GSE1: variants seen among roughly 807,000 people sequenced by gnomAD.
GSE1 encodes genetic suppressor element 1.
A neutral mutation model predicts 112.6 loss-of-function variants in GSE1; 32 were observed. The ratio of observed to expected loss-of-function variants is 0.28; its 90% CI spans 0.21 to 0.38. The LOEUF (loss-of-function observed/expected upper bound fraction) is 0.38, where lower values mean the gene tolerates loss of function less well. Ranked by LOEUF, GSE1 falls within the 10% of genes least tolerant of loss-of-function variation. The pLI, the probability that GSE1 is intolerant of heterozygous loss-of-function variation, is 1.00. For missense variants in GSE1, 2,348 were observed against 1,699.2 expected (o/e 1.38, Z -6.71); for synonymous variants, 1,115 against 735.6 (o/e 1.52, Z -8.35).
intron 2 of GSE1, among the ~76,000 whole-genome samples, chr16:85,465,635 T>G (rs747849483): frequency 1.3e-5 from 2 of 152,130 alleles, no homozygotes; most frequent in Non-Finnish European, 2.9e-5. Flanking sequence ...AAATGCCACC[T>G]CCTCCAAGAA....
At chr16:85,280,355 A>G (rs987688930) in intron 1 of GSE1, among the ~76,000 whole-genome samples, 1 of 152,130 alleles carries the variant, frequency 6.6e-6, no homozygotes, top group Non-Finnish European at 1.5e-5. Flanking sequence ...CGTGGAATGC[A>G]CCACTCCTGG....
chr16:85,312,632 C>G (rs1204886444), intron 1 of GSE1, among the ~76,000 whole-genome samples: 1 of 146,946 alleles, frequency 6.8e-6, no homozygotes, highest in Non-Finnish European at 1.5e-5. Context: ...GCCACATTCA[C>G]AGGTTCCAGC....
At chr16:85,394,368 G>T (rs1275916925) in intron 2 of GSE1, among the ~76,000 whole-genome samples, 2 of 152,226 alleles carry the variant, frequency 1.3e-5, no homozygotes, top group African/African-American at 4.8e-5. Context: ...TAATTTGATG[G>T]GTGTAGAGGG....
chr16:85,322,298 G>A (rs1597388764), intron 1 of GSE1, among the ~76,000 whole-genome samples: 2 of 152,262 alleles, frequency 1.3e-5, no homozygotes, highest in East Asian at 3.9e-4. Flanking sequence ...AGCCCCGGGC[G>A]GGCGGGGGGG....
chr16:85,430,139 C>T lies in GSE1; in HGVS notation c.2464+72496C>T, dbSNP rs143834408. Among the ~76,000 whole-genome samples the T allele has an allele frequency of 4.6e-5, 7 of 152,334 alleles. No individual in the cohort carries two copies. The East Asian group carries it at 1.2e-3, about 25-fold the overall frequency. Reference sequence around the variant, plus strand: ...ATATCTAGCACTTTTTGAGCACTTACAACATCCCAGGGGCGAGGCTAGGAA... The same window carrying T: ...ATATCTAGCACTTTTTGAGCACTTATAACATCCCAGGGGCGAGGCTAGGAA... On this transcript the variant is annotated intron_variant, in intron 2 of 2. Transcript: ENST00000637419.
At chr16:85,666,902 C>G (rs1315636089) in intron 13 of GSE1, among the ~76,000 whole-genome samples, 2 of 152,220 alleles carry the variant, frequency 1.3e-5, no homozygotes, top group Non-Finnish European at 2.9e-5. Flanking sequence ...CCACCAAGTT[C>G]CAAAAACAAA....
chr16:85,249,645 G>A (rs554450642), intron 1 of GSE1, among the ~76,000 whole-genome samples: 1 of 152,176 alleles, frequency 6.6e-6, no homozygotes, highest in Admixed American at 6.5e-5. Flanking sequence ...GGGGGCAGGC[G>A]TCCAGCTGCT....
chr16:85,563,548 G>A (rs1477710411), intron 1 of GSE1, among the ~76,000 whole-genome samples: 1 of 152,180 alleles, frequency 6.6e-6, no homozygotes, highest in Non-Finnish European at 1.5e-5. Flanking sequence ...GTAAAGCCAG[G>A]TCCAGGTCTT....
At chr16:85,555,513 C>T (rs2045158840), upstream of GSE1, 2 of 984,954 alleles carry the variant, frequency 2.0e-6, no homozygotes, top group Non-Finnish European at 1.2e-6. Flanking sequence ...GAAATCTCCC[C>T]CTCGGTACTT....
At chr16:85,322,878 A>T (rs1204003128) in intron 1 of GSE1, among the ~76,000 whole-genome samples, 1 of 152,064 alleles carries the variant, frequency 6.6e-6, no homozygotes, top group Admixed American at 6.6e-5. Context: ...GGCCTCCCAA[A>T]GTGCTGGGAT....
intron 11 of GSE1, among the ~76,000 whole-genome samples, chr16:85,664,144 C>CAT (rs2052648649): frequency 6.6e-6 from 1 of 152,260 alleles, no homozygotes; most frequent in African/African-American, 2.4e-5. Flanking sequence ...GGCTCGAATC[C>CAT]ATATAGCAGA....
rs112881686 is a variant in GSE1, at chr16:85,485,722, C to T, written c.2464+128079C>T. 3.2e-3 allele frequency among the ~76,000 whole-genome samples: 495 copies of T among 152,338 alleles called. 3 individuals are homozygous for T. The highest frequency in any genetic ancestry group is 0.011 in the African/African-American group (472 of 41,580). On this transcript the variant is annotated intron_variant, in intron 2 of 2. Transcript: ENST00000637419. The stretch of plus-strand genomic sequence containing the variant: ...GCGGCCGGCTGTGCATCAGTGTGCC[C>T]GTAATTGTTCCTGTAATTGGGCCGC...
chr16:85,672,158 C>G, intron 15 of GSE1: 1 of 489,264 alleles, frequency 2.0e-6, no homozygotes, highest in Non-Finnish European at 3.9e-6. Flanking sequence ...GACACCATGC[C>G]TGGCTAATTT....
chr16:85,314,563 C>A (rs568894386), intron 1 of GSE1, among the ~76,000 whole-genome samples: 1 of 152,164 alleles, frequency 6.6e-6, no homozygotes, highest in African/African-American at 2.4e-5. Context: ...CATGTACACA[C>A]ACACACGTGA....
intron 1 of GSE1, among the ~76,000 whole-genome samples, chr16:85,221,993 G>A (rs1187758262): frequency 2.6e-5 from 4 of 152,112 alleles, no homozygotes; most frequent in African/African-American, 9.7e-5. Flanking sequence ...AGGGAGGGCC[G>A]GGGAGGCCCA....
chr16:85,294,633 C>T (rs2045313414), intron 1 of GSE1, among the ~76,000 whole-genome samples: 1 of 138,330 alleles, frequency 7.2e-6, no homozygotes, highest in Admixed American at 7.1e-5. Flanking sequence ...CTCTCTCTCT[C>T]TCTCTCTCTC....
chr16:85,398,935 C>G (rs1251910816), intron 2 of GSE1, among the ~76,000 whole-genome samples: 1 of 152,158 alleles, frequency 6.6e-6, no homozygotes, highest in Non-Finnish European at 1.5e-5. Context: ...TGTGTATCCA[C>G]ATGCGTTGTA....
At chr16:85,549,078 C>T (rs748795787) in intron 2 of GSE1, among the ~76,000 whole-genome samples, 14 of 152,170 alleles carry the variant, frequency 9.2e-5, no homozygotes, top group East Asian at 3.9e-4. Context: ...TGAGCCACCG[C>T]GCCCGGCCTG....
chr16:85,270,621 C>T lies in GSE1; in HGVS notation c.2284-86842C>T, dbSNP rs375316236. Reference sequence around the variant, plus strand: ...GTTGTATTTGTTGGATTGATGTTGCCCTGGGCTGGCTGCTTTGTTAATGCT... The same window carrying T: ...GTTGTATTTGTTGGATTGATGTTGCTCTGGGCTGGCTGCTTTGTTAATGCT... On this transcript the variant is annotated intron_variant, in intron 1 of 2. Transcript: ENST00000637419. Among the ~76,000 whole-genome samples, 2 of 148,720 alleles carry T rather than the reference C, an allele frequency of 1.3e-5. 1 individual carries two copies. The highest frequency in any genetic ancestry group is 4.9e-5 in the African/African-American group (2 of 41,130).
Sources: gnomAD v4.1 joint callset for allele counts (sites outside exome capture counted in the v4.1 genomes callset) on GRCh38, gnomAD v4.1.1 for gene constraint, MANE v1.5 for transcripts, NCBI Gene and HGNC (gene_info 2026-07-23, HGNC 2026-07-21) for gene names.